Variants in TERB1 observed in about 807,000 individuals in gnomAD.
The protein encoded by TERB1 is telomere repeat binding bouquet formation protein 1, also known as telomere repeats-binding bouquet formation protein 1.
In TERB1, 63 loss-of-function variants were observed where a neutral mutation model predicts 92.3. The ratio of observed to expected loss-of-function variants is 0.68; its 90% CI spans 0.56 to 0.84. The LOEUF (loss-of-function observed/expected upper bound fraction) is 0.84. Among genes scored for constraint, TERB1 ranks in the 40% least tolerant of loss-of-function variants. The probability of loss-of-function intolerance (pLI) is 0.00; values close to 1 mark genes in which losing one functional copy is unlikely to be tolerated. For synonymous variants in TERB1, 252 were observed against 283.9 expected (o/e 0.89, Z 1.13); for missense variants, 709 against 843.7 (o/e 0.84, Z 1.98).
At chr16:66,756,509 T>C (rs2018141769) in intron 18 of TERB1, among the ~76,000 whole-genome samples, 2 of 152,220 alleles carry the variant, frequency 1.3e-5, no homozygotes, top group Non-Finnish European at 1.5e-5. Context: ...AGAAAAAATT[T>C]ATTGGTAAAA....
At chr16:66,761,120 A>G (rs1373078090) in intron 16 of TERB1, among the ~76,000 whole-genome samples, 1 of 149,956 alleles carries the variant, frequency 6.7e-6, no homozygotes, top group Non-Finnish European at 1.5e-5. Context: ...AAAAAAAAAA[A>G]AAAAAAGAAA....
At chr16:66,791,600 CA>C (rs1384240300) in intron 3 of TERB1, among the ~76,000 whole-genome samples, 1 of 152,034 alleles carries the variant, frequency 6.6e-6, no homozygotes, top group Non-Finnish European at 1.5e-5. Flanking sequence ...AGTAAAGACA[CA>C]AATTACCAAT....
rs2018523549 is a variant in TERB1, at chr16:66,775,126, T to C, written c.1103A>G (p.Lys368Arg). The change falls in exon 12 of 19, where the codon AAA becomes AGA. Residue 368 changes from lysine to arginine, a missense_variant. Transcript: ENST00000433154. ...AGTAATAGTACACTTACTAATTTTTTTGCAGTTGTGAAGCACAAATGTGGC... is the reference window on the plus strand; with the variant it reads ...AGTAATAGTACACTTACTAATTTTTCTGCAGTTGTGAAGCACAAATGTGGC... ...KAATFVLHNC[K>R]KITEKLSLSL... 1 of 1,551,460 alleles carries C rather than the reference T, an allele frequency of 6.4e-7. No homozygotes were observed. Among genetic ancestry groups the C allele is most frequent in the Admixed American group, 2.0e-5 (1 of 50,968 alleles).
At chr16:66,779,398 A>G (rs1444761357) in intron 9 of TERB1, among the ~76,000 whole-genome samples, 1 of 152,146 alleles carries the variant, frequency 6.6e-6, no homozygotes, top group Non-Finnish European at 1.5e-5. Flanking sequence ...GGAGTTCAAG[A>G]CCAGCCTGGC....
rs767071184 is a variant in TERB1, at chr16:66,790,662, C to G, written c.204G>C (p.Lys68Asn). Reference protein sequence around the residue: ...GGLMFVKNLAKSSEHSMVKEA... With the variant: ...GGLMFVKNLANSSEHSMVKEA... ...CTTTTACCATGCTATGTTCACTTGA[C>G]TTTGCAAGATTTTTTACAAACATCA... The change falls in exon 5 of 19, where the codon AAG becomes AAC. Residue 68 changes from lysine to asparagine, a missense_variant. Lys to Asn is a moderately conservative substitution (Grantham distance 94). Transcript: ENST00000433154. The G allele has an allele frequency of 8.4e-6, 13 of 1,550,938 alleles. No homozygotes were observed. The highest frequency in any genetic ancestry group is 1.1e-5 in the Non-Finnish European group (13 of 1,146,562).
rs1395571225 is a variant in TERB1, at chr16:66,775,103, T to A, written c.1111+15A>T. On this transcript the variant is annotated intron_variant, in intron 12 of 18. Coordinates refer to ENST00000433154, the MANE Select transcript of TERB1 (RefSeq NM_001136505.2). The stretch of plus-strand genomic sequence containing the variant: ...AACTTTGGTTGGTATGTTCTTAAAG[T>A]AATAGTACACTTACTAATTTTTTTG... 9 of 1,550,740 alleles carry A rather than the reference T, an allele frequency of 5.8e-6. No homozygotes were observed. The South Asian group carries it at 1.1e-4, about 18-fold the overall frequency.
intron 16 of TERB1, among the ~76,000 whole-genome samples, chr16:66,764,478 G>T (rs2018305035): frequency 6.6e-6 from 1 of 152,218 alleles, no homozygotes; most frequent in Non-Finnish European, 1.5e-5. Flanking sequence ...GCCAGGCAGA[G>T]AGGTTGATTC....
At chr16:66,772,027 T>C (rs2018461355) in intron 13 of TERB1, among the ~76,000 whole-genome samples, 1 of 150,388 alleles carries the variant, frequency 6.6e-6, no homozygotes, top group African/African-American at 2.4e-5. Flanking sequence ...ATTTCCTGTC[T>C]TTTCAGTCAT....
At chr16:66,778,552 G>A (rs1401824954) in intron 10 of TERB1, among the ~76,000 whole-genome samples, 1 of 152,088 alleles carries the variant, frequency 6.6e-6, no homozygotes, top group Non-Finnish European at 1.5e-5. Context: ...TGAGTAGCTG[G>A]AATTACAGGC....
intron 17 of TERB1, 107 bp downstream of exon 17, chr16:66,759,034 C>G (rs1962259267): frequency 2.7e-6 from 3 of 1,114,002 alleles, no homozygotes; most frequent in Admixed American, 3.1e-5. Flanking sequence ...GACAGATTTT[C>G]TTTTTAAGAT....
At position 66,777,270 on chromosome 16, in the gene TERB1, A is replaced by G. The variant is rs1408872528; in HGVS notation, c.918T>C (p.His306=). 1.3e-6 allele frequency: 2 copies of G among 1,550,722 alleles called. No homozygotes were observed. Among genetic ancestry groups the G allele is most frequent in the Non-Finnish European group, 1.7e-6 (2 of 1,146,156 alleles). The change falls in exon 11 of 19, where the codon CAT becomes CAC. Residue 306 remains histidine (H), a synonymous_variant. Transcript: ENST00000433154. The stretch of plus-strand genomic sequence containing the variant: ...ATTTTTCTCCTGAATCCAGACTTTC[A>G]TGAAGCAGTAATGCCAGAAGTTTAG... ...IVSKLLALLL[H]ESLDSGEKFS... is the part of the protein sequence containing the mutation.
intron 13 of TERB1, among the ~76,000 whole-genome samples, chr16:66,771,718 T>C (rs1186974252): frequency 1.3e-5 from 2 of 151,466 alleles, no homozygotes; most frequent in African/African-American, 2.4e-5. Flanking sequence ...TTGTTTGCAA[T>C]GGTAAAAATT....
At chr16:66,784,862 A>C (rs1033455665) in intron 9 of TERB1, among the ~76,000 whole-genome samples, 4 of 145,942 alleles carry the variant, frequency 2.7e-5, no homozygotes, top group African/African-American at 1.0e-4. Context: ...CCGCCTCCTG[A>C]GTAGCTAGGA....
In TERB1 at chr16:66,765,785, G is replaced by A. The variant is rs550818808; in HGVS notation, c.1780+1630C>T. On this transcript the variant is annotated intron_variant, in intron 16 of 18. Coordinates refer to ENST00000433154, the MANE Select transcript of TERB1 (RefSeq NM_001136505.2). ...ATACATTTACTTTCTAATGGTATAT[G>A]TGCATCTGCTGGGAGGAGTGGATGA... Among the ~76,000 whole-genome samples, 123 of 146,050 alleles carry A rather than the reference G, an allele frequency of 8.4e-4. 1 individual carries two copies. Among genetic ancestry groups the A allele is most frequent in the Admixed American group, 2.1e-3 (30 of 14,564 alleles).
chr16:66,758,585 A>G, intron 18 of TERB1, 188 bp downstream of exon 18: 1 of 468,784 alleles, frequency 2.1e-6, no homozygotes, highest in Non-Finnish European at 3.8e-6. Flanking sequence ...TACTAAAAAT[A>G]CAAAAACCAG....
Position 66,758,812 on chromosome 16 carries a change from G to T in TERB1, c.1957C>A (p.Gln653Lys), listed in dbSNP as rs977011584. The T allele has an allele frequency of 6.5e-7, 1 of 1,533,936 alleles. No individual in the cohort carries two copies. Among genetic ancestry groups the T allele is most frequent in the Non-Finnish European group, 8.8e-7 (1 of 1,136,826 alleles). ...KKILLTPRRR[Q>K]RLSNESTTPG... is the part of the protein sequence containing the mutation. ...GTAGTAGATTCATTACTGAGTCGTT[G>T]TCTTCTACGTGGGGTCAGCAGAATT... Residue 653 changes from glutamine to lysine, a missense_variant, in exon 18 of 19, where the codon CAA (glutamine) becomes AAA (lysine). Gln to Lys is a moderately conservative substitution (Grantham distance 53). Coordinates refer to ENST00000433154, the MANE Select transcript of TERB1 (RefSeq NM_001136505.2).
chr16:66,789,583 C>CAAAA (rs1168904056), intron 5 of TERB1, among the ~76,000 whole-genome samples: 225 of 5,664 alleles, frequency 0.04, 92 homozygotes, highest in Non-Finnish European at 0.045. Context: ...GACTCCGTCT[C>CAAAA]AAAAAAAAAA....
At position 66,798,946 on chromosome 16, in the gene TERB1, G is replaced by A. The variant is rs1160729729; in HGVS notation, c.-33+2031C>T. On this transcript the variant is annotated intron_variant, in intron 2 of 18. Coordinates refer to ENST00000433154, the MANE Select transcript of TERB1 (RefSeq NM_001136505.2). ...TTGACTAACTTCAAAGTGCTAGTAA[G>A]TGCTAGAGTTAAAATGGGAGCCAAG... Among the ~76,000 whole-genome samples, 4 of 152,222 alleles carry A rather than the reference G, an allele frequency of 2.6e-5. No homozygotes were observed. The East Asian group carries it at 7.7e-4, about 29-fold the overall frequency.
At position 66,791,832 on chromosome 16, in the gene TERB1, G is replaced by T. The variant is rs543718485; in HGVS notation, c.32-813C>A. Among the ~76,000 whole-genome samples the T allele has an allele frequency of 5.3e-5, 8 of 152,232 alleles. No individual in the cohort carries two copies. The East Asian group carries it at 1.4e-3, about 26-fold the overall frequency. ...TTCCTCAAAGAAAACTCTAGGTTCA[G>T]ATGGTTTCATCTGTAAATTCTACCA... On this transcript the variant is annotated intron_variant, in intron 3 of 18. Coordinates refer to ENST00000433154, the MANE Select transcript of TERB1 (RefSeq NM_001136505.2).
Sources: gnomAD v4.1 joint callset for allele counts (sites outside exome capture counted in the v4.1 genomes callset) on GRCh38, gnomAD v4.1.1 for gene constraint, MANE v1.5 for transcripts, NCBI Gene and HGNC (gene_info 2026-07-23, HGNC 2026-07-21) for gene names.